The following GPHN variants were observed in gnomAD, a reference collection of about 807,000 sequenced individuals.
GPHN encodes gephyrin.
Under a neutral mutation model 95.5 loss-of-function variants are expected in GPHN, and 17 were observed. The ratio of observed to expected loss-of-function variants is 0.18; its 90% CI spans 0.12 to 0.27. The LOEUF (loss-of-function observed/expected upper bound fraction) is 0.27. GPHN is among the 10% of genes least tolerant of loss of function. GPHN has a pLI of 1.00. For synonymous variants in GPHN, 320 were observed against 322.5 expected, an observed-to-expected ratio of 0.99 and a Z score of 0.08; for missense variants, 660 against 978.1, an observed-to-expected ratio of 0.67 and a Z score of 4.34.
the GPHN span, among the ~76,000 whole-genome samples, chr14:67,257,300 TTCTG>T: frequency 6.6e-6 from 1 of 151,980 alleles, no homozygotes; most frequent in Non-Finnish European, 1.5e-5. Flanking sequence ...GGTGACTGAG[TTCTG>T]TCTGTCCTTT....
chr14:67,310,831 GTCTA>G, the GPHN span, among the ~76,000 whole-genome samples: 1,292 of 151,994 alleles, frequency 8.5e-3, 16 homozygotes, highest in African/African-American at 0.026. Context: ...CCATTTATCT[GTCTA>G]TCTATCTATC....
chr14:67,424,244 A>AAAAT, the GPHN span, among the ~76,000 whole-genome samples: 3,351 of 151,750 alleles, frequency 0.022, 70 homozygotes, highest in African/African-American at 0.049. Context: ...CTCTGTCTCA[A>AAAAT]AAATAAATAA....
In GPHN at chr14:67,009,347, A is replaced by T. The variant is rs193079758; in HGVS notation, c.964-14286A>T. 4.8e-4 allele frequency among the ~76,000 whole-genome samples: 73 copies of T among 152,310 alleles called. 1 individual carries two copies. The Middle Eastern group carries it at 0.02, about 43-fold the overall frequency. On this transcript the variant is annotated intron_variant, in intron 9 of 22. Transcript: ENST00000478722. ...AAATTCTAGGCAAGTAGCTCACAGG[A>T]ATATAGGAGAGGTAATCTGGATGAA...
chr14:66,996,357 G>T, intron 9 of GPHN: 4 of 630,812 alleles, frequency 6.3e-6, no homozygotes, highest in Non-Finnish European at 1.1e-5. Flanking sequence ...TACCAAAGGG[G>T]GAAAATTCAC....
chr14:67,691,722 T>G, the GPHN span: 1 of 158,794 alleles, frequency 6.3e-6, no homozygotes, highest in South Asian at 1.9e-4. Context: ...TGACTATGAG[T>G]TCACACCAGT....
intron 10 of GPHN, among the ~76,000 whole-genome samples, chr14:67,025,243 A>G (rs1203403924): frequency 1.3e-5 from 2 of 152,158 alleles, no homozygotes; most frequent in Admixed American, 6.5e-5. Context: ...TACCAATAAC[A>G]CTACTATTTG....
intron 3 of GPHN, among the ~76,000 whole-genome samples, chr14:66,805,548 A>T (rs976013580): frequency 3.3e-5 from 5 of 152,208 alleles, no homozygotes; most frequent in African/African-American, 1.2e-4. Flanking sequence ...ATCAGAAGCA[A>T]CTTAGTTACT....
the GPHN span, among the ~76,000 whole-genome samples, chr14:67,288,828 T>G: frequency 2.6e-5 from 4 of 152,168 alleles, no homozygotes; most frequent in East Asian, 1.9e-4. Flanking sequence ...GGCCACAGCT[T>G]CTTAGGTCAT....
chr14:66,545,233 C>G (rs1212276895), intron 1 of GPHN, among the ~76,000 whole-genome samples: 4 of 137,650 alleles, frequency 2.9e-5, no homozygotes, highest in Non-Finnish European at 4.8e-5. Flanking sequence ...CCCTCCCGGA[C>G]GGGGCGGCTG....
chr14:66,899,823 G>C lies in GPHN; in HGVS notation c.390-16180G>C, dbSNP rs1240403604. ...CCCTCCACTTTTACTCTCTGGAAGA[G>C]TTTATGTAAAATGTATATTAATTTT... is the stretch of plus-strand genomic sequence containing the variant. On this transcript the variant is annotated intron_variant, in intron 5 of 22. Transcript: ENST00000478722. 2.0e-5 allele frequency among the ~76,000 whole-genome samples: 3 copies of C among 151,926 alleles called. No homozygotes were observed. In the East Asian group the frequency reaches 5.8e-4, roughly 29 times the overall value.
the GPHN span, among the ~76,000 whole-genome samples, chr14:67,316,174 G>A: frequency 3.3e-5 from 5 of 152,142 alleles, no homozygotes; most frequent in Admixed American, 1.3e-4. Flanking sequence ...TATAGGAAAA[G>A]ACATATTTGA....
At chr14:67,279,233 T>C in the GPHN span, 5 of 1,612,854 alleles carry the variant, frequency 3.1e-6, no homozygotes, top group East Asian at 1.1e-4. Context: ...TAAAAAATGT[T>C]GATCTTGCAT....
At chr14:67,261,806 C>T in the GPHN span, among the ~76,000 whole-genome samples, 1 of 151,850 alleles carries the variant, frequency 6.6e-6, no homozygotes, top group African/African-American at 2.4e-5. Context: ...TATCTTGTTA[C>T]CACAATCAGG....
chr14:67,708,767 G>A, the GPHN span, among the ~76,000 whole-genome samples: 19,354 of 150,708 alleles, frequency 0.13, 1,304 homozygotes, highest in East Asian at 0.21. Flanking sequence ...TGTCATTTTC[G>A]GACTCTAGGG....
At chr14:67,560,068 C>T in the GPHN span, among the ~76,000 whole-genome samples, 1 of 152,100 alleles carries the variant, frequency 6.6e-6, no homozygotes, top group Non-Finnish European at 1.5e-5. Context: ...GCTCTCTCGC[C>T]CAGGCTGGAG....
At chr14:67,344,142 A>T in the GPHN span, among the ~76,000 whole-genome samples, 1 of 152,236 alleles carries the variant, frequency 6.6e-6, no homozygotes, top group Non-Finnish European at 1.5e-5. Context: ...TTGCATGTAG[A>T]ACATTTTAGC....
the GPHN span, among the ~76,000 whole-genome samples, chr14:67,401,791 A>T: frequency 6.6e-6 from 1 of 152,140 alleles, no homozygotes; most frequent in Non-Finnish European, 1.5e-5. Context: ...GACTAGTGAT[A>T]TAAGAGGAGA....
the GPHN span, chr14:67,724,653 C>A: frequency 2.5e-6 from 3 of 1,199,352 alleles, no homozygotes; most frequent in Non-Finnish European, 3.7e-6. Flanking sequence ...CCACTGGGGC[C>A]TCTGTCCATA....
At chr14:67,285,262 A>G in the GPHN span, among the ~76,000 whole-genome samples, 1 of 152,218 alleles carries the variant, frequency 6.6e-6, no homozygotes, top group Non-Finnish European at 1.5e-5. Context: ...GAAAAGCTTA[A>G]TGCTGGGTAT....
Sources: allele counts gnomAD v4.1 joint callset (sites outside exome capture counted in the v4.1 genomes callset), GRCh38; gene constraint gnomAD v4.1.1; transcripts MANE v1.5; gene names NCBI Gene and HGNC (gene_info 2026-07-23, HGNC 2026-07-21).